EBF2: variants seen among roughly 807,000 people sequenced by gnomAD.
EBF2 encodes the protein EBF transcription factor 2.
Under a neutral mutation model 72.8 loss-of-function variants are expected in EBF2, and 21 were observed. The observed-to-expected ratio is 0.29, with a 90% confidence interval of 0.20 to 0.42. EBF2 has a LOEUF of 0.42. Among genes scored for constraint, EBF2 ranks in the 10% least tolerant of loss-of-function variants. The pLI, the probability that EBF2 is intolerant of heterozygous loss-of-function variation, is 1.00. For missense variants in EBF2, 637 were observed against 731.2 expected (o/e 0.87, Z 1.49); for synonymous variants, 299 against 274.2 (o/e 1.09, Z -0.89).
chr8:25,849,365 C>G (rs1801911637), intron 15 of EBF2, among the ~76,000 whole-genome samples: 1 of 152,132 alleles, frequency 6.6e-6, no homozygotes, highest in Admixed American at 6.5e-5. Flanking sequence ...GGAGACTGAC[C>G]TCTCACACGT....
chr8:26,002,667 T>C (rs1804750381), intron 6 of EBF2, among the ~76,000 whole-genome samples: 1 of 152,162 alleles, frequency 6.6e-6, no homozygotes, highest in South Asian at 2.1e-4. Context: ...ATTAGACTTC[T>C]TTTCCTTGCA....
At chr8:26,036,687 A>T (rs1805506553) in intron 5 of EBF2, among the ~76,000 whole-genome samples, 1 of 116,194 alleles carries the variant, frequency 8.6e-6, no homozygotes, top group Non-Finnish European at 2.0e-5. Flanking sequence ...TACACTCCCC[A>T]AACAGTGTGG....
intron 7 of EBF2, among the ~76,000 whole-genome samples, chr8:25,892,626 A>G (rs1802804103): frequency 6.6e-6 from 1 of 152,186 alleles, no homozygotes. Flanking sequence ...TATTTTTAGC[A>G]TAATAGGTTT....
At chr8:25,941,298 CG>C (rs1803665686) in intron 6 of EBF2, among the ~76,000 whole-genome samples, 1 of 151,940 alleles carries the variant, frequency 6.6e-6, no homozygotes, top group South Asian at 2.1e-4. Flanking sequence ...CTCCGCCTCC[CG>C]GGTTCAAGTG....
At chr8:26,033,815 G>A (rs1403689989) in intron 5 of EBF2, among the ~76,000 whole-genome samples, 1 of 152,110 alleles carries the variant, frequency 6.6e-6, no homozygotes, top group Non-Finnish European at 1.5e-5. Flanking sequence ...CTACTTGAGG[G>A]CAGGATTTAT....
rs756390468 is a variant in EBF2 at position 26,041,019 on chromosome 8, C to A, written c.289-17G>T. The A allele has an allele frequency of 1.2e-6, 2 of 1,613,786 alleles. No individual in the cohort carries two copies. Among genetic ancestry groups the A allele is most frequent in the East Asian group, 2.2e-5 (1 of 44,870 alleles). On this transcript the variant is annotated splice_polypyrimidine_tract_variant and intron_variant, in intron 2 of 15. Transcript: ENST00000520164. ...GCCTTGTTCCTGAAAAGACAGGCAG[C>A]GTTCGATTCCCTTGCCTTTCAGCCC...
intron 14 of EBF2, 34 bp from the exon 15 acceptor site, chr8:25,850,795 T>G: frequency 6.5e-7 from 1 of 1,541,524 alleles, no homozygotes. Context: ...CATTTAGAAA[T>G]TAAGATCTTC....
At chr8:25,886,979 C>A in intron 9 of EBF2, 98 bp from the exon 10 acceptor site, 1 of 1,356,494 alleles carries the variant, frequency 7.4e-7, no homozygotes, top group South Asian at 1.6e-5. Context: ...TCCCCAGGGG[C>A]TTCTTTCTCT....
chr8:25,912,030 A>G (rs1383527803), intron 6 of EBF2, among the ~76,000 whole-genome samples: 4 of 152,164 alleles, frequency 2.6e-5, no homozygotes, highest in Non-Finnish European at 5.9e-5. Flanking sequence ...AGAGCCACCT[A>G]CATAACCTCT....
At chr8:25,927,752 C>T (rs1194086676) in intron 6 of EBF2, among the ~76,000 whole-genome samples, 2 of 152,126 alleles carry the variant, frequency 1.3e-5, no homozygotes, top group African/African-American at 4.8e-5. Context: ...AAAATGTACT[C>T]AGTTGGAACT....
intron 6 of EBF2, among the ~76,000 whole-genome samples, chr8:25,949,248 A>G (rs940797793): frequency 6.6e-6 from 1 of 152,216 alleles, no homozygotes; most frequent in Admixed American, 6.5e-5. Flanking sequence ...AAGTGGAGCT[A>G]CAATTCGAGC....
chr8:25,847,712 C>T (rs1269111114), intron 15 of EBF2, among the ~76,000 whole-genome samples: 1 of 152,152 alleles, frequency 6.6e-6, no homozygotes, highest in Admixed American at 6.5e-5. Flanking sequence ...TGAACTAGAA[C>T]TCAGCACAGG....
chr8:25,851,251 TC>T (rs1484990756), intron 14 of EBF2, among the ~76,000 whole-genome samples: 1 of 151,578 alleles, frequency 6.6e-6, no homozygotes, highest in East Asian at 1.9e-4. Context: ...AGGGTTAACA[TC>T]TTCTCTGAGA....
intron 10 of EBF2, among the ~76,000 whole-genome samples, chr8:25,882,769 T>C (rs780334358): frequency 2.6e-5 from 4 of 152,210 alleles, no homozygotes; most frequent in Non-Finnish European, 4.4e-5. Flanking sequence ...TTCCAGAGCA[T>C]GAGCAGTTAG....
chr8:25,869,865 C>G (rs991814536), intron 10 of EBF2, among the ~76,000 whole-genome samples: 1 of 152,166 alleles, frequency 6.6e-6, no homozygotes, highest in African/African-American at 2.4e-5. Context: ...CTGATTGTAA[C>G]CCTACAATGT....
At position 26,044,626 on chromosome 8, in the gene EBF2, G is replaced by C; in HGVS notation, c.131+103C>G. ...GCAGGGCCTGGGCGACAGATGGGGGGACAGGGAGAGAGAAAGGCACGGGGT... is the reference window on the plus strand; with the variant it reads ...GCAGGGCCTGGGCGACAGATGGGGGCACAGGGAGAGAGAAAGGCACGGGGT... On this transcript the variant is annotated intron_variant, in intron 1 of 15. Transcript: ENST00000520164. The surrounding 1 kb of genome is among the most constrained non-coding windows in gnomAD (Gnocchi z 4.1). 4 of 1,496,376 alleles carry C rather than the reference G, an allele frequency of 2.7e-6. No individual in the cohort carries two copies. The highest frequency in any genetic ancestry group is 2.7e-6 in the Non-Finnish European group (3 of 1,106,104). The allele number at this position is 1,496,376 out of a possible 1,614,324, so 92.7% of individuals were successfully genotyped here. A position where few individuals can be genotyped will look rare whatever the true frequency, so the allele number is the denominator to read the frequency against.
intron 6 of EBF2, among the ~76,000 whole-genome samples, chr8:25,962,878 C>T (rs900754746): frequency 6.6e-6 from 1 of 152,182 alleles, no homozygotes; most frequent in African/African-American, 2.4e-5. Context: ...TCTCTTTTGT[C>T]TCTTGGCCCA....
At chr8:25,945,617 GTC>G (rs1803756529) in intron 6 of EBF2, among the ~76,000 whole-genome samples, 2 of 151,252 alleles carry the variant, frequency 1.3e-5, no homozygotes, top group Admixed American at 6.6e-5. Context: ...CTTCTGCTTG[GTC>G]TGTTTGGTTT....
At chr8:25,856,573 G>C (rs922907252) in intron 14 of EBF2, among the ~76,000 whole-genome samples, 3 of 152,144 alleles carry the variant, frequency 2.0e-5, no homozygotes, top group Non-Finnish European at 2.9e-5. Flanking sequence ...AACATGCTTT[G>C]TAAGCTGTAA....
Sources: allele counts gnomAD v4.1 joint callset (sites outside exome capture counted in the v4.1 genomes callset), GRCh38; gene constraint gnomAD v4.1.1; non-coding constraint Gnocchi (gnomAD v3.1); transcripts MANE v1.5; gene names NCBI Gene and HGNC (gene_info 2026-07-23, HGNC 2026-07-21).